Variants in SLC35F3 observed in about 807,000 individuals in gnomAD.
The protein encoded by SLC35F3 is solute carrier family 35 member F3.
A neutral mutation model predicts 49.9 loss-of-function variants in SLC35F3; 25 were observed. That is an observed-to-expected ratio of 0.50 (90% CI 0.37 to 0.70). SLC35F3 has a LOEUF of 0.70. SLC35F3 is among the 30% of genes least tolerant of loss of function. The probability of loss-of-function intolerance (pLI) is 0.00; values close to 1 mark genes in which losing one functional copy is unlikely to be tolerated. For synonymous variants in SLC35F3, 275 were observed against 265.4 expected (o/e 1.04, Z -0.35); for missense variants, 525 against 639.8 (o/e 0.82, Z 1.94).
intron 3 of SLC35F3, among the ~76,000 whole-genome samples, chr1:234,267,056 T>C (rs1221814390): frequency 9.9e-5 from 14 of 141,944 alleles, no homozygotes; most frequent in Non-Finnish European, 1.5e-5. Flanking sequence ...CCTGGGTACT[T>C]AAGATTAGGG....
Position 234,060,372 on chromosome 1 carries a change from C to T in SLC35F3, c.283+154614C>T, listed in dbSNP as rs558646071. On this transcript the variant is annotated intron_variant, in intron 2 of 7. Transcript: ENST00000366618. ...ACTATTATTGTTGAATTTTCTATTT[C>T]TTCTGTCATTTCTATCAGATTTGTG... is the stretch of plus-strand genomic sequence containing the variant. Among the ~76,000 whole-genome samples, 4 of 152,246 alleles carry T rather than the reference C, an allele frequency of 2.6e-5. No individual in the cohort carries two copies. In the South Asian group the frequency reaches 8.3e-4, roughly 32 times the overall value.
intron 2 of SLC35F3, among the ~76,000 whole-genome samples, chr1:233,937,862 G>T (rs1486239610): frequency 1.3e-5 from 2 of 152,160 alleles, no homozygotes; most frequent in African/African-American, 4.8e-5. Flanking sequence ...GATAGTGTTG[G>T]TGAGTGCGGG....
chr1:233,955,876 ATCTT>A (rs1662691886), intron 2 of SLC35F3, among the ~76,000 whole-genome samples: 2 of 58,924 alleles, frequency 3.4e-5, no homozygotes, highest in African/African-American at 8.6e-5. Flanking sequence ...AGGTGTGGGT[ATCTT>A]TTTTTTTTTT....
chr1:234,083,519 T>C (rs1664914046), intron 2 of SLC35F3, among the ~76,000 whole-genome samples: 1 of 152,184 alleles, frequency 6.6e-6, no homozygotes, highest in African/African-American at 2.4e-5. Flanking sequence ...ATCATACACA[T>C]AGGGCTTCAA....
In SLC35F3 at chr1:233,904,776, C is replaced by A. The variant is rs1268352644; in HGVS notation, c.-302C>A. Among the ~76,000 whole-genome samples, 1 of 151,550 alleles carries A rather than the reference C, an allele frequency of 6.6e-6. No homozygotes were observed. Among genetic ancestry groups the A allele is most frequent in the Non-Finnish European group, 1.5e-5 (1 of 67,842 alleles). ...TCACGCCTGCGGTGTGCTAGGGCGGCGGCGACGGTGACGGGCGTGGGGCGC... is the reference window on the plus strand; with the variant it reads ...TCACGCCTGCGGTGTGCTAGGGCGGAGGCGACGGTGACGGGCGTGGGGCGC... On this transcript the variant is annotated 5_prime_UTR_variant, in exon 1 of 8. Coordinates refer to ENST00000366618, the MANE Select transcript of SLC35F3 (RefSeq NM_173508.4).
intron 2 of SLC35F3, among the ~76,000 whole-genome samples, chr1:233,915,294 G>A (rs1238689140): frequency 6.6e-6 from 1 of 152,200 alleles, no homozygotes; most frequent in Non-Finnish European, 1.5e-5. Context: ...AAAAGGGTCA[G>A]AAGAAAAATG....
rs184407455 is a variant in SLC35F3, at chr1:234,118,597, C to A, written c.284-112820C>A. 5.7e-3 allele frequency among the ~76,000 whole-genome samples: 872 copies of A among 152,218 alleles called. 5 individuals are homozygous for A. Among genetic ancestry groups the A allele is most frequent in the Non-Finnish European group, 8.0e-3 (544 of 67,990 alleles). On this transcript the variant is annotated intron_variant, in intron 2 of 7. Coordinates refer to ENST00000366618, the MANE Select transcript of SLC35F3 (RefSeq NM_173508.4). The stretch of plus-strand genomic sequence containing the variant: ...TGACCAGATATGGCTTACAAAGGCT[C>A]CAGCATTTACTCTCTGACCCTTTAT...
intron 2 of SLC35F3, among the ~76,000 whole-genome samples, chr1:234,215,774 T>G (rs566996727): frequency 4.9e-4 from 74 of 152,288 alleles, no homozygotes; most frequent in African/African-American, 1.6e-3. Flanking sequence ...CAGGCCTGCC[T>G]GCAGCTGCCC....
At chr1:234,117,602 A>AG (rs1665507702) in intron 2 of SLC35F3, among the ~76,000 whole-genome samples, 1 of 144,482 alleles carries the variant, frequency 6.9e-6, no homozygotes, top group Non-Finnish European at 1.5e-5. Context: ...AAAAAAAAAA[A>AG]CAGGCTGGGC....
At chr1:234,202,032 C>T (rs1666908057) in intron 2 of SLC35F3, among the ~76,000 whole-genome samples, 1 of 151,578 alleles carries the variant, frequency 6.6e-6, no homozygotes, top group Non-Finnish European at 1.5e-5. Context: ...TACATATACA[C>T]CATGGAATAC....
intron 2 of SLC35F3, among the ~76,000 whole-genome samples, chr1:234,043,535 G>GT (rs774081272): frequency 1.3e-5 from 2 of 152,134 alleles, no homozygotes; most frequent in Non-Finnish European, 2.9e-5. Context: ...TCTCAGATCT[G>GT]TTTCCACATT....
At chr1:234,152,251 A>AT (rs1339740212) in intron 2 of SLC35F3, among the ~76,000 whole-genome samples, 2,500 of 150,560 alleles carry the variant, frequency 0.017, 58 homozygotes, top group African/African-American at 0.053. Flanking sequence ...TATTATTATT[A>AT]TACTTTAAAT....
intron 6 of SLC35F3, 142 bp downstream of exon 6, chr1:234,319,085 C>A (rs1049576002): frequency 4.1e-6 from 3 of 727,752 alleles, no homozygotes; most frequent in Non-Finnish European, 4.5e-6. Context: ...TTCTGTTTCA[C>A]AAAGTAGTCT....
chr1:234,169,833 T>G (rs1666371835), intron 2 of SLC35F3, among the ~76,000 whole-genome samples: 1 of 152,112 alleles, frequency 6.6e-6, no homozygotes, highest in African/African-American at 2.4e-5. Context: ...AGTAGTGCGA[T>G]CTCAGCTCAC....
chr1:234,156,734 G>A (rs1375579143), intron 2 of SLC35F3, among the ~76,000 whole-genome samples: 1 of 151,964 alleles, frequency 6.6e-6, no homozygotes, highest in Non-Finnish European at 1.5e-5. Context: ...ATTAACTGAT[G>A]AATAAATAAA....
intron 2 of SLC35F3, among the ~76,000 whole-genome samples, chr1:234,206,154 AC>A (rs1486595070): frequency 2.6e-5 from 4 of 152,120 alleles, no homozygotes; most frequent in African/African-American, 9.7e-5. Context: ...AACCCACTGC[AC>A]CACTCCTACA....
chr1:234,112,812 T>A (rs575751638), intron 2 of SLC35F3, among the ~76,000 whole-genome samples: 10 of 140,980 alleles, frequency 7.1e-5, no homozygotes, highest in Admixed American at 2.3e-4. Context: ...CCTGACCTCA[T>A]GATCCACCCT....
chr1:234,136,712 A>C (rs1665817853), intron 2 of SLC35F3, among the ~76,000 whole-genome samples: 1 of 152,256 alleles, frequency 6.6e-6, no homozygotes, highest in Non-Finnish European at 1.5e-5. Context: ...TATCAGGTAG[A>C]GGCTTGAGGC....
intron 2 of SLC35F3, among the ~76,000 whole-genome samples, chr1:234,082,471 T>G (rs1251002914): frequency 6.6e-6 from 1 of 152,188 alleles, no homozygotes; most frequent in Non-Finnish European, 1.5e-5. Context: ...TCTGCTTGTT[T>G]TCATTCCCAA....
Sources: gnomAD v4.1 joint callset for allele counts (sites outside exome capture counted in the v4.1 genomes callset) on GRCh38, gnomAD v4.1.1 for gene constraint, MANE v1.5 for transcripts, NCBI Gene and HGNC (gene_info 2026-07-23, HGNC 2026-07-21) for gene names.